The following ITCH variants were observed in gnomAD, a reference collection of about 807,000 sequenced individuals.
ITCH encodes the protein E3 ubiquitin-protein ligase Itchy homolog.
Under a neutral mutation model 126.8 loss-of-function variants are expected in ITCH, and 28 were observed. The ratio of observed to expected loss-of-function variants is 0.22; its 90% CI spans 0.16 to 0.30. The LOEUF is 0.30. Ranked by LOEUF, ITCH falls within the 10% of genes least tolerant of loss-of-function variation. The pLI is 1.00. For missense variants in ITCH, 631 were observed against 1,032.4 expected, an observed-to-expected ratio of 0.61 and a Z score of 5.33; for synonymous variants, 342 against 340.0, an observed-to-expected ratio of 1.01 and a Z score of -0.06.
At position 34,438,464 on chromosome 20, in the gene ITCH, T is replaced by G. The variant is rs768853952; in HGVS notation, c.522-10T>G. The G allele has an allele frequency of 3.9e-5, 63 of 1,613,824 alleles. No individual in the cohort carries two copies. The highest frequency in any genetic ancestry group is 4.2e-6 in the Non-Finnish European group (5 of 1,179,860). The stretch of plus-strand genomic sequence containing the variant: ...CCTCTCCCCCTTCCTTTTCCCCTCT[T>G]CTTACCCAGAGTGAGCACAAATGGA... On this transcript the variant is annotated splice_polypyrimidine_tract_variant and intron_variant, in intron 7 of 24. Transcript: ENST00000374864.
intron 16 of ITCH, among the ~76,000 whole-genome samples, chr20:34,475,211 T>C (rs892702236): frequency 3.5e-5 from 5 of 142,796 alleles, no homozygotes; most frequent in Non-Finnish European, 7.6e-5. Context: ...TCCCAGACGA[T>C]GGGCGGCCAG....
chr20:34,454,480 A>G (rs1471680142), intron 12 of ITCH: 1 of 152,040 alleles, frequency 6.6e-6, no homozygotes, highest in African/African-American at 2.4e-5. Context: ...TGATAAGCTT[A>G]TGCACTGAAG....
chr20:34,388,691 G>A (rs74474146), intron 2 of ITCH, among the ~76,000 whole-genome samples: 123 of 152,266 alleles, frequency 8.1e-4, no homozygotes, highest in African/African-American at 2.6e-3. Flanking sequence ...TTCTTACTGA[G>A]ACATACAAAG....
intron 6 of ITCH, among the ~76,000 whole-genome samples, chr20:34,416,096 TGG>T (rs2146186737): frequency 6.6e-6 from 1 of 151,916 alleles, no homozygotes; most frequent in South Asian, 2.1e-4. Context: ...CACTCTATCC[TGG>T]GTGACAGAGC....
intron 2 of ITCH, among the ~76,000 whole-genome samples, chr20:34,386,306 G>A (rs544466901): frequency 6.6e-6 from 1 of 152,148 alleles, no homozygotes; most frequent in East Asian, 1.9e-4. Flanking sequence ...ATCTAAAAAT[G>A]TTCCTGTGTT....
chr20:34,433,184 G>A (rs1482823287), intron 7 of ITCH, among the ~76,000 whole-genome samples: 1 of 152,014 alleles, frequency 6.6e-6, no homozygotes, highest in East Asian at 1.9e-4. Context: ...CAGCTACTTG[G>A]GAGGCTGAGG....
At position 34,440,140 on chromosome 20, in the gene ITCH, C is replaced by G; in HGVS notation, c.680-15C>G. Reference sequence around the variant, plus strand: ...ATGAAAGATTCTTTTCCTATTTTCCCCAAATCTTTTATAGCATCTGTCAAT... The same window carrying G: ...ATGAAAGATTCTTTTCCTATTTTCCGCAAATCTTTTATAGCATCTGTCAAT... On this transcript the variant is annotated splice_polypyrimidine_tract_variant and intron_variant, in intron 8 of 24. Coordinates refer to ENST00000374864, the MANE Select transcript of ITCH (RefSeq NM_031483.7). The G allele has an allele frequency of 1.3e-6, 2 of 1,589,478 alleles. No homozygotes were observed. Among genetic ancestry groups the G allele is most frequent in the Non-Finnish European group, 8.6e-7 (1 of 1,157,956 alleles).
intron 14 of ITCH, among the ~76,000 whole-genome samples, chr20:34,468,326 G>T (rs1035624356): frequency 6.6e-6 from 1 of 151,104 alleles, no homozygotes; most frequent in African/African-American, 2.4e-5. Flanking sequence ...GAGCTGCTGC[G>T]CCCTGCCGGA....
At chr20:34,504,061 A>G (rs1990465920) in intron 23 of ITCH, among the ~76,000 whole-genome samples, 1 of 151,596 alleles carries the variant, frequency 6.6e-6, no homozygotes, top group Non-Finnish European at 1.5e-5. Flanking sequence ...TTGTATTTTT[A>G]GTAGAGATCA....
At chr20:34,482,057 CAT>C (rs1988792181) in intron 20 of ITCH, among the ~76,000 whole-genome samples, 1 of 152,106 alleles carries the variant, frequency 6.6e-6, no homozygotes, top group Non-Finnish European at 1.5e-5. Flanking sequence ...TCTTGTGAGA[CAT>C]ATTCACTGTC....
intron 24 of ITCH, among the ~76,000 whole-genome samples, chr20:34,504,652 AG>A (rs1990508955): frequency 6.6e-6 from 1 of 152,072 alleles, no homozygotes; most frequent in Admixed American, 6.5e-5. Flanking sequence ...CTTTTCTCTG[AG>A]GGCAGCAAAA....
chr20:34,440,390 A>G (rs771854857), intron 9 of ITCH, 46 bp downstream of exon 9: 3 of 1,350,378 alleles, frequency 2.2e-6, no homozygotes, highest in Admixed American at 3.4e-5. Flanking sequence ...AGGATTCTTC[A>G]TAAGCCTACT....
intron 2 of ITCH, 167 bp from the exon 3 acceptor site, chr20:34,393,622 ATT>A: frequency 1.5e-6 from 1 of 649,926 alleles, no homozygotes; most frequent in South Asian, 1.7e-5. Context: ...GCCATGTCAG[ATT>A]TTGCCAATAA....
chr20:34,372,155 A>G (rs969411433), intron 2 of ITCH, among the ~76,000 whole-genome samples: 3 of 151,198 alleles, frequency 2.0e-5, no homozygotes, highest in Non-Finnish European at 2.9e-5. Flanking sequence ...AAATACAAAA[A>G]TTAGCTGGGC....
At chr20:34,387,246 C>T (rs542242243) in intron 2 of ITCH, among the ~76,000 whole-genome samples, 16 of 150,270 alleles carry the variant, frequency 1.1e-4, no homozygotes, top group Admixed American at 4.0e-4. Flanking sequence ...GAGGTTGCAG[C>T]GAGGGGAGAT....
chr20:34,465,440 G>C (rs1292359589), intron 14 of ITCH, among the ~76,000 whole-genome samples: 2 of 151,760 alleles, frequency 1.3e-5, no homozygotes, highest in Non-Finnish European at 2.9e-5. Flanking sequence ...TTTGATAGGG[G>C]ATTTTATTGA....
chr20:34,365,194 C>G (rs1209663969), intron 1 of ITCH, among the ~76,000 whole-genome samples: 1 of 151,684 alleles, frequency 6.6e-6, no homozygotes, highest in African/African-American at 2.4e-5. Context: ...GAGTGAGACC[C>G]TGTCTCAAAA....
In ITCH at chr20:34,502,589, A is replaced by G. The variant is rs369367142; in HGVS notation, c.2417-1742A>G. 2.7e-5 allele frequency among the ~76,000 whole-genome samples: 4 copies of G among 150,108 alleles called. No homozygotes were observed. The East Asian group carries it at 8.0e-4, about 30-fold the overall frequency. On this transcript the variant is annotated intron_variant, in intron 23 of 24. Coordinates refer to ENST00000374864, the MANE Select transcript of ITCH (RefSeq NM_031483.7). ...GCCGGGTGTGGTAGTGGGCACCTGT[A>G]ATCCCAGCTACTCGGGAGGCTGAGG...
At chr20:34,495,049 C>G (rs1009223418) in intron 23 of ITCH, among the ~76,000 whole-genome samples, 1 of 147,728 alleles carries the variant, frequency 6.8e-6, no homozygotes, top group Admixed American at 6.9e-5. Context: ...GTCAGGAGTT[C>G]GAGACCAGCC....
Sources: gnomAD v4.1 joint callset for allele counts (sites outside exome capture counted in the v4.1 genomes callset) on GRCh38, gnomAD v4.1.1 for gene constraint, MANE v1.5 for transcripts, NCBI Gene and HGNC (gene_info 2026-07-23, HGNC 2026-07-21) for gene names.